The following IMMP2L variants were observed in gnomAD, a reference collection of about 807,000 sequenced individuals.
The protein encoded by IMMP2L is mitochondrial inner membrane protease subunit 2.
A neutral mutation model predicts 19.3 loss-of-function variants in IMMP2L; 18 were observed. The ratio of observed to expected loss-of-function variants is 0.93; its 90% CI spans 0.64 to 1.38. The LOEUF (loss-of-function observed/expected upper bound fraction) is 1.38. Ranked by LOEUF, IMMP2L falls within the 40% of genes most tolerant of loss-of-function variation. The pLI is 0.00. For missense variants in IMMP2L, 233 were observed against 218.2 expected, an observed-to-expected ratio of 1.07 and a Z score of -0.43; for synonymous variants, 76 against 73.0, an observed-to-expected ratio of 1.04 and a Z score of -0.21.
At chr7:110,826,164 G>A (rs1329238484) in intron 5 of IMMP2L, among the ~76,000 whole-genome samples, 4 of 152,258 alleles carry the variant, frequency 2.6e-5, no homozygotes, top group South Asian at 4.1e-4. Flanking sequence ...TTAGAATGGT[G>A]ATCATTAAAA....
intron 3 of IMMP2L, among the ~76,000 whole-genome samples, chr7:111,417,771 T>C (rs895458117): frequency 5.3e-5 from 8 of 151,936 alleles, no homozygotes; most frequent in Admixed American, 1.3e-4. Flanking sequence ...TTTTCTCTTA[T>C]TAGGAATAGA....
intron 4 of IMMP2L, among the ~76,000 whole-genome samples, chr7:110,907,261 G>A (rs2129547917): frequency 6.6e-6 from 1 of 152,250 alleles, no homozygotes; most frequent in East Asian, 1.9e-4. Flanking sequence ...CGAATAAACT[G>A]AATTTGGTAA....
intron 2 of IMMP2L, among the ~76,000 whole-genome samples, chr7:111,512,563 T>C (rs1845547655): frequency 6.6e-6 from 1 of 152,114 alleles, no homozygotes; most frequent in Non-Finnish European, 1.5e-5. Context: ...TCAATTGCAC[T>C]ATCTTTAAAA....
At chr7:110,769,257 C>A (rs1219323547) in intron 5 of IMMP2L, among the ~76,000 whole-genome samples, 2 of 152,134 alleles carry the variant, frequency 1.3e-5, no homozygotes, top group African/African-American at 4.8e-5. Context: ...TATGTCCAGC[C>A]TTTTTAGCTC....
At chr7:110,972,974 T>C (rs1010277852) in intron 3 of IMMP2L, among the ~76,000 whole-genome samples, 2 of 152,066 alleles carry the variant, frequency 1.3e-5, no homozygotes, top group African/African-American at 4.8e-5. Flanking sequence ...AAACTTCTAT[T>C]GTTTGTAAGA....
At chr7:110,926,378 T>C (rs1814853448) in intron 4 of IMMP2L, among the ~76,000 whole-genome samples, 1 of 152,072 alleles carries the variant, frequency 6.6e-6, no homozygotes, top group Non-Finnish European at 1.5e-5. Flanking sequence ...CCAAGAGAAA[T>C]GGTTTCTATA....
At chr7:110,679,390 A>C (rs1412549950) in intron 5 of IMMP2L, among the ~76,000 whole-genome samples, 1 of 152,140 alleles carries the variant, frequency 6.6e-6, no homozygotes, top group Non-Finnish European at 1.5e-5. Context: ...TGACATTACC[A>C]ACCGATGTCT....
chr7:111,376,940 T>C (rs542413737), intron 3 of IMMP2L, among the ~76,000 whole-genome samples: 2 of 152,116 alleles, frequency 1.3e-5, no homozygotes, highest in Non-Finnish European at 2.9e-5. Flanking sequence ...GGGGTTTTCT[T>C]TGAGGGTAAT....
intron 5 of IMMP2L, among the ~76,000 whole-genome samples, chr7:110,840,847 T>C (rs2131446065): frequency 1.3e-5 from 2 of 152,194 alleles, no homozygotes; most frequent in Middle Eastern, 6.8e-3. Flanking sequence ...AACTCTCAAG[T>C]ACAAAAATGT....
At chr7:110,994,485 T>C (rs1822831115) in intron 3 of IMMP2L, among the ~76,000 whole-genome samples, 1 of 152,176 alleles carries the variant, frequency 6.6e-6, no homozygotes, top group Non-Finnish European at 1.5e-5. Context: ...GTAGCACTTC[T>C]AGAGCATGCC....
intron 3 of IMMP2L, among the ~76,000 whole-genome samples, chr7:111,104,001 G>A (rs892749923): frequency 6.6e-6 from 1 of 151,538 alleles, no homozygotes; most frequent in African/African-American, 2.4e-5. Flanking sequence ...GAACAAAATG[G>A]GAACACTGAA....
At chr7:110,755,379 G>A (rs1247310807) in intron 5 of IMMP2L, among the ~76,000 whole-genome samples, 1 of 151,984 alleles carries the variant, frequency 6.6e-6, no homozygotes, top group Middle Eastern at 3.2e-3. Context: ...TAACAGACTG[G>A]TTATTTAAAA....
chr7:111,517,152 T>C (rs1384608131), intron 2 of IMMP2L, among the ~76,000 whole-genome samples: 1 of 152,084 alleles, frequency 6.6e-6, no homozygotes, highest in Non-Finnish European at 1.5e-5. Flanking sequence ...GCTTGCTTTT[T>C]GATGATACTT....
At chr7:110,780,571 G>A (rs1479521434) in intron 5 of IMMP2L, among the ~76,000 whole-genome samples, 2 of 151,564 alleles carry the variant, frequency 1.3e-5, no homozygotes, top group African/African-American at 4.8e-5. Context: ...AACCCTGCTT[G>A]CCTGATCTCT....
chr7:110,944,008 A>G (rs927223157), intron 4 of IMMP2L, among the ~76,000 whole-genome samples: 3 of 152,038 alleles, frequency 2.0e-5, no homozygotes, highest in Non-Finnish European at 4.4e-5. Context: ...GACTAAGTTG[A>G]AATATTTCCA....
intron 3 of IMMP2L, among the ~76,000 whole-genome samples, chr7:111,456,373 C>T (rs1276153520): frequency 6.6e-6 from 1 of 151,914 alleles, no homozygotes; most frequent in Non-Finnish European, 1.5e-5. Context: ...GTACTGCTGA[C>T]ATTCCTTTCC....
chr7:111,087,456 GA>G (rs76131476), intron 3 of IMMP2L, among the ~76,000 whole-genome samples: 1,484 of 77,980 alleles, frequency 0.019, 23 homozygotes, highest in East Asian at 0.12. Context: ...CTTAAAAAAA[GA>G]AAAAAAAAAA....
intron 3 of IMMP2L, among the ~76,000 whole-genome samples, chr7:111,017,943 C>G (rs1825872644): frequency 6.6e-6 from 1 of 152,182 alleles, no homozygotes; most frequent in Non-Finnish European, 1.5e-5. Context: ...AAGCAACAAA[C>G]CTACTTAACA....
intron 5 of IMMP2L, among the ~76,000 whole-genome samples, chr7:110,742,911 A>G (rs1797080710): frequency 6.6e-6 from 1 of 152,174 alleles, no homozygotes; most frequent in Admixed American, 6.6e-5. Context: ...TTTCACACAC[A>G]TGGACATTCC....
Sources: allele counts gnomAD v4.1 joint callset (sites outside exome capture counted in the v4.1 genomes callset), GRCh38; gene constraint gnomAD v4.1.1; transcripts MANE v1.5; gene names NCBI Gene and HGNC (gene_info 2026-07-23, HGNC 2026-07-21).